The following NIPAL1 variants were observed in gnomAD, a reference collection of about 807,000 sequenced individuals.
NIPAL1 encodes magnesium transporter NIPA3.
In NIPAL1, 35 loss-of-function variants were observed where a neutral mutation model predicts 37.7. The ratio of observed to expected loss-of-function variants is 0.93; its 90% CI spans 0.71 to 1.23. NIPAL1 has a LOEUF of 1.23. Ranked by LOEUF, NIPAL1 falls within the 50% of genes most tolerant of loss-of-function variation. The probability of loss-of-function intolerance (pLI) is 0.00; values close to 1 mark genes in which losing one functional copy is unlikely to be tolerated. For missense variants in NIPAL1, 412 were observed against 473.9 expected (o/e 0.87, Z 1.21); for synonymous variants, 162 against 183.0 (o/e 0.89, Z 0.93).
chr4:48,033,454 A>G (rs1199545041), intron 4 of NIPAL1, among the ~76,000 whole-genome samples: 1 of 152,236 alleles, frequency 6.6e-6, no homozygotes, highest in African/African-American at 2.4e-5. Context: ...TTACATTTGT[A>G]ACACTGCAAT....
At chr4:48,032,492 T>C (rs1389955615) in intron 3 of NIPAL1, among the ~76,000 whole-genome samples, 2 of 152,226 alleles carry the variant, frequency 1.3e-5, no homozygotes, top group African/African-American at 4.8e-5. Flanking sequence ...TATAGATCAC[T>C]TACAATAGAG....
rs754374955 is a variant in NIPAL1 at position 48,016,809 on chromosome 4, G to C, written c.-31G>C. The C allele has an allele frequency of 2.1e-5, 33 of 1,553,282 alleles. No individual in the cohort carries two copies. Among genetic ancestry groups the C allele is most frequent in the Non-Finnish European group, 2.4e-5 (28 of 1,155,004 alleles). On this transcript the variant is annotated 5_prime_UTR_variant, in exon 1 of 6. Transcript: ENST00000295461. Reference sequence around the variant, plus strand: ...GGAGAGGCCCAGGTGAGGAGCAAGCGCCCGCGTTCCGGAAGCCCGCTCCCG... The same window carrying C: ...GGAGAGGCCCAGGTGAGGAGCAAGCCCCCGCGTTCCGGAAGCCCGCTCCCG...
At chr4:48,024,141 G>A (rs533769446) in intron 1 of NIPAL1, among the ~76,000 whole-genome samples, 1 of 151,824 alleles carries the variant, frequency 6.6e-6, no homozygotes, top group Non-Finnish European at 1.5e-5. Context: ...CCCATGCCCC[G>A]CTAATTTTTG....
chr4:48,017,732 A>G (rs1560320735), intron 1 of NIPAL1, among the ~76,000 whole-genome samples: 1 of 152,126 alleles, frequency 6.6e-6, no homozygotes, highest in Non-Finnish European at 1.5e-5. Context: ...CATTGAAATG[A>G]TGGTTTTCGC....
At chr4:48,035,428 G>C in intron 5 of NIPAL1, 134 bp from the exon 6 acceptor site, 1 of 806,264 alleles carries the variant, frequency 1.2e-6, no homozygotes, top group Non-Finnish European at 2.0e-6. Context: ...CTATGCAATA[G>C]AATGTTGTTT....
In NIPAL1 at chr4:48,039,147, C is replaced by A. The variant is rs550368623; in HGVS notation, c.*2975C>A. 1.3e-5 allele frequency: 2 copies of A among 152,052 alleles called. No individual in the cohort carries two copies. The allele number at this position is 152,052 out of a possible 1,614,324, so 9.4% of individuals were successfully genotyped here. ...AGATCACAAGGACAGGAGTTCAAGACCAGCCTGGCCAACATGGTGAAACCC... is the reference window on the plus strand; with the variant it reads ...AGATCACAAGGACAGGAGTTCAAGAACAGCCTGGCCAACATGGTGAAACCC... On this transcript the variant is annotated 3_prime_UTR_variant, in exon 6 of 6. Coordinates refer to ENST00000295461, the MANE Select transcript of NIPAL1 (RefSeq NM_207330.3).
At chr4:48,021,284 T>A (rs1028888446) in intron 1 of NIPAL1, among the ~76,000 whole-genome samples, 1 of 151,560 alleles carries the variant, frequency 6.6e-6, no homozygotes, top group Non-Finnish European at 1.5e-5. Flanking sequence ...TAGGTTATGA[T>A]CAAACTTTAG....
In NIPAL1 at chr4:48,036,525, G is replaced by T. The variant is rs914469841; in HGVS notation, c.*353G>T. The T allele has an allele frequency of 4.3e-5, 11 of 253,416 alleles. No homozygotes were observed. Among genetic ancestry groups the T allele is most frequent in the Non-Finnish European group, 6.7e-5 (9 of 133,964 alleles). 15.7% of individuals were successfully genotyped at this position (253,416 alleles called of 1,614,324 possible). On this transcript the variant is annotated 3_prime_UTR_variant, in exon 6 of 6. Coordinates refer to ENST00000295461, the MANE Select transcript of NIPAL1 (RefSeq NM_207330.3). ...ACTTACAGTCATTCACCAATATACA[G>T]TTAGCAGTGTTCTGATAGACACAGT...
chr4:48,021,163 G>T (rs376963925), intron 1 of NIPAL1, among the ~76,000 whole-genome samples: 2 of 152,198 alleles, frequency 1.3e-5, no homozygotes, highest in East Asian at 3.9e-4. Context: ...TAATATATTG[G>T]CATCAGTTTC....
rs1486938539 is a variant in NIPAL1 at position 48,036,733 on chromosome 4, C to G, written c.*561C>G. 1.3e-5 allele frequency: 2 copies of G among 153,270 alleles called. No individual in the cohort carries two copies. The highest frequency in any genetic ancestry group is 4.8e-5 in the African/African-American group (2 of 41,552). 9.5% of individuals were successfully genotyped at this position (153,270 alleles called of 1,614,324 possible). A position where few individuals can be genotyped will look rare whatever the true frequency, so the allele number is the denominator to read the frequency against. ...ACTTGAGCTCAGGAGTTCGAGACCA[C>G]CTTGGGCCACAAGGCGAGACCCTGT... On this transcript the variant is annotated 3_prime_UTR_variant, in exon 6 of 6. Transcript: ENST00000295461.
At position 48,016,976 on chromosome 4, in the gene NIPAL1, G is replaced by T. The variant is rs190716929; in HGVS notation, c.46+91G>T. 7.6e-5 allele frequency: 84 copies of T among 1,102,338 alleles called. No homozygotes were observed. The African/African-American group carries it at 1.2e-3, about 16-fold the overall frequency. The allele number at this position is 1,102,338 out of a possible 1,614,324, so 68.3% of individuals were successfully genotyped here. On this transcript the variant is annotated intron_variant, in intron 1 of 5. Transcript: ENST00000295461. The stretch of plus-strand genomic sequence containing the variant: ...CCGGACACTTGCGGAGACTGGAAAG[G>T]GGGGCTGTACCGACTCTAAACGTAG...
At position 48,018,222 on chromosome 4, in the gene NIPAL1, A is replaced by G. The variant is rs1038140379; in HGVS notation, c.46+1337A>G. ...GTCAGGTTGTGTGCCCTTTTTCTAA[A>G]TAATTTCTAACCCAGCAAATCTGAC... On this transcript the variant is annotated intron_variant, in intron 1 of 5. Coordinates refer to ENST00000295461, the MANE Select transcript of NIPAL1 (RefSeq NM_207330.3). Among the ~76,000 whole-genome samples, 5 of 152,222 alleles carry G rather than the reference A, an allele frequency of 3.3e-5. 1 individual carries two copies. The highest frequency in any genetic ancestry group is 2.6e-4 in the Admixed American group (4 of 15,272).
intron 3 of NIPAL1, among the ~76,000 whole-genome samples, chr4:48,032,572 A>G (rs369140747): frequency 1.2e-4 from 19 of 152,342 alleles, no homozygotes; most frequent in East Asian, 3.9e-4. Flanking sequence ...AGATTTAACC[A>G]TTCTAATTTT....
chr4:48,016,779 CGTGTGGA>C lies in NIPAL1; in HGVS notation c.-59_-53del. 6.7e-7 allele frequency: 1 copy of C among 1,486,520 alleles called. No individual in the cohort carries two copies. The highest frequency in any genetic ancestry group is 9.1e-7 in the Non-Finnish European group (1 of 1,102,464). The allele number at this position is 1,486,520 out of a possible 1,614,324, so 92.1% of individuals were successfully genotyped here. Reference sequence around the variant, plus strand: ...CCCGCAGCCCCGCCCGCCGCGGGTGCGTGTGGAGAGGCCCAGGTGAGGAGCAAGCGCC... The same window carrying C: ...CCCGCAGCCCCGCCCGCCGCGGGTGCGAGGCCCAGGTGAGGAGCAAGCGCC... On this transcript the variant is annotated 5_prime_UTR_variant, in exon 1 of 6. Coordinates refer to ENST00000295461, the MANE Select transcript of NIPAL1 (RefSeq NM_207330.3).
chr4:48,021,828 A>C (rs1253648865), intron 1 of NIPAL1, among the ~76,000 whole-genome samples: 1 of 152,058 alleles, frequency 6.6e-6, no homozygotes, highest in African/African-American at 2.4e-5. Flanking sequence ...AAATCAGGAT[A>C]GTTACTAACT....
Position 48,024,953 on chromosome 4 carries a change from A to C in NIPAL1, c.47-115A>C, listed in dbSNP as rs923347778. On this transcript the variant is annotated intron_variant, in intron 1 of 5. Transcript: ENST00000295461. ...GGCCACCTGTTAGCGACTTCCCTACATGTAGTAAAATGTTTCAGTACCATC... is the reference window on the plus strand; with the variant it reads ...GGCCACCTGTTAGCGACTTCCCTACCTGTAGTAAAATGTTTCAGTACCATC... 3 of 861,110 alleles carry C rather than the reference A, an allele frequency of 3.5e-6. No individual in the cohort carries two copies. The African/African-American group carries it at 5.1e-5, about 15-fold the overall frequency. The allele number at this position is 861,110 out of a possible 1,614,324, so 53.3% of individuals were successfully genotyped here. A position where few individuals can be genotyped will look rare whatever the true frequency, so the allele number is the denominator to read the frequency against.
At chr4:48,022,301 C>T (rs1715588206) in intron 1 of NIPAL1, among the ~76,000 whole-genome samples, 1 of 152,178 alleles carries the variant, frequency 6.6e-6, no homozygotes, top group South Asian at 2.1e-4. Context: ...AGGCTCTCTC[C>T]CTAACATGTT....
At chr4:48,016,951 C>G (rs970127274) in intron 1 of NIPAL1, 66 bp downstream of exon 1, 3 of 1,391,794 alleles carry the variant, frequency 2.2e-6, no homozygotes, top group Non-Finnish European at 3.0e-6. Flanking sequence ...TGGGCGGTCC[C>G]CGGACACTTG....
At position 48,033,066 on chromosome 4, in the gene NIPAL1, T is replaced by A; in HGVS notation, c.444T>A (p.Ala148=). ...CCACCTTGGTCACCCCTCTGGGTGC[T>A]TTGAGTGTTCTCATAAGGTATGTGA... ...APATLVTPLG[A]LSVLISAILS... is the part of the protein sequence containing the mutation. Residue 148 remains alanine, a synonymous_variant, in exon 4 of 6, where the codon GCT becomes GCA. Transcript: ENST00000295461. 1 of 1,612,564 alleles carries A rather than the reference T, an allele frequency of 6.2e-7. No homozygotes were observed.
Sources: allele counts gnomAD v4.1 joint callset (sites outside exome capture counted in the v4.1 genomes callset), GRCh38; gene constraint gnomAD v4.1.1; transcripts MANE v1.5; gene names NCBI Gene and HGNC (gene_info 2026-07-23, HGNC 2026-07-21).